CDKL5: variants seen among roughly 807,000 people sequenced by gnomAD.
CDKL5 encodes the protein cyclin-dependent kinase-like 5.
A neutral mutation model predicts 61.7 loss-of-function variants in CDKL5; 8 were observed. The observed-to-expected ratio is 0.13, with a 90% CI of 0.08 to 0.23. The LOEUF (loss-of-function observed/expected upper bound fraction) is 0.23, where lower values mean the gene tolerates loss of function less well. Ranked by LOEUF, CDKL5 falls within the 10% of genes least tolerant of loss-of-function variation. The pLI, the probability that CDKL5 is intolerant of heterozygous loss-of-function variation, is 1.00. For synonymous variants in CDKL5, 275 were observed against 272.3 expected (o/e 1.01, Z -0.10); for missense variants, 440 against 734.5 (o/e 0.60, Z 4.63).
intron 1 of CDKL5, among the ~76,000 whole-genome samples, chrX:18,453,077 G>A (rs1452201103): frequency 9.0e-6 from 1 of 110,603 alleles, no homozygotes; most frequent in Admixed American, 9.7e-5. Flanking sequence ...TGATCCATCC[G>A]CTTCAGCCTC....
intron 1 of CDKL5, among the ~76,000 whole-genome samples, chrX:18,473,712 CTTT>C (rs749380907): frequency 3.1e-5 from 3 of 97,511 alleles, no homozygotes; most frequent in Non-Finnish European, 4.2e-5. Context: ...ACTTCTCTCT[CTTT>C]TTTTTTTTTT....
chrX:18,515,291 C>T (rs527685584), intron 3 of CDKL5, among the ~76,000 whole-genome samples: 19 of 111,863 alleles, frequency 1.7e-4, no homozygotes, highest in South Asian at 7.5e-4. Context: ...GGGTGATGCT[C>T]ATTGAGCCCA....
intron 6 of CDKL5, among the ~76,000 whole-genome samples, chrX:18,581,446 A>G (rs16980820): frequency 0.011 from 1,178 of 112,134 alleles, 12 homozygotes; most frequent in African/African-American, 0.036. Context: ...AACAGAAAGC[A>G]TGTCTTGTAT....
intron 1 of CDKL5, among the ~76,000 whole-genome samples, chrX:18,472,759 T>TA: frequency 9.0e-6 from 1 of 110,554 alleles, no homozygotes. Context: ...AAGTATAACA[T>TA]ACATGCTAGA....
chrX:18,644,315 T>C (rs141607643), downstream of CDKL5: 822 of 650,307 alleles, frequency 1.3e-3, 11 homozygotes, highest in East Asian at 0.026. Context: ...GCGCAGATGA[T>C]CCACTGTGCT....
rs985943979 is a variant in CDKL5, at chrX:18,617,042, T to C, written c.2277-2825T>C. Among the ~76,000 whole-genome samples, 3 of 112,037 alleles carry C rather than the reference T, an allele frequency of 2.7e-5. No homozygotes were observed. The Admixed American group carries it at 2.8e-4, about 11-fold the overall frequency. On this transcript the variant is annotated intron_variant, in intron 15 of 17. Coordinates refer to ENST00000623535, the MANE Select transcript of CDKL5 (RefSeq NM_001323289.2). ...TGAGATCAGATTCGTTCTTTTATTT[T>C]TCTCTGTTTCTTCAACACCTAACAC...
intron 15 of CDKL5, among the ~76,000 whole-genome samples, chrX:18,619,009 CACTT>C (rs1926805284): frequency 1.8e-5 from 2 of 111,054 alleles, no homozygotes; most frequent in South Asian, 3.8e-4. Flanking sequence ...AAGTTTTCAA[CACTT>C]ACCCATTTCA....
At chrX:18,529,514 C>G (rs1923567242) in intron 3 of CDKL5, among the ~76,000 whole-genome samples, 1 of 110,992 alleles carries the variant, frequency 9.0e-6, no homozygotes. Context: ...TTTGCTTTCT[C>G]TCTGAATAAC....
intron 1 of CDKL5, among the ~76,000 whole-genome samples, chrX:18,446,242 G>A (rs1237210722): frequency 9.3e-6 from 1 of 108,089 alleles, no homozygotes; most frequent in Non-Finnish European, 1.9e-5. Flanking sequence ...CCTGTAATGG[G>A]AGGCTGAGGC....
At chrX:18,477,342 C>A (rs919953012) in intron 1 of CDKL5, among the ~76,000 whole-genome samples, 3 of 112,467 alleles carry the variant, frequency 2.7e-5, no homozygotes, top group African/African-American at 9.7e-5. Context: ...GCTGGGATTA[C>A]AGACATGAGC....
intron 1 of CDKL5, among the ~76,000 whole-genome samples, chrX:18,440,901 C>A (rs1218140853): frequency 9.0e-6 from 1 of 111,503 alleles, no homozygotes; most frequent in African/African-American, 3.3e-5. Flanking sequence ...AAGAAAGCAA[C>A]CTTATTTGGA....
At chrX:18,510,940 A>G (rs1303871032) in intron 3 of CDKL5, 86 bp downstream of exon 3, 2 of 683,884 alleles carry the variant, frequency 2.9e-6, no homozygotes, top group Non-Finnish European at 4.6e-6. Flanking sequence ...GTGGGCATGT[A>G]CAGGTTGAGC....
At chrX:18,453,483 A>C (rs1262514684) in intron 1 of CDKL5, among the ~76,000 whole-genome samples, 1 of 111,624 alleles carries the variant, frequency 9.0e-6, no homozygotes, top group Admixed American at 9.6e-5. Context: ...AGTGTTCACA[A>C]CTGGATTGTA....
intron 10 of CDKL5, among the ~76,000 whole-genome samples, chrX:18,595,783 T>A (rs762582106): frequency 8.9e-6 from 1 of 112,141 alleles, no homozygotes; most frequent in Non-Finnish European, 1.9e-5. Flanking sequence ...ACATGGTATT[T>A]GAAGCCTCCC....
intron 1 of CDKL5, among the ~76,000 whole-genome samples, chrX:18,476,688 A>G (rs1203250586): frequency 2.7e-5 from 3 of 112,337 alleles, no homozygotes; most frequent in African/African-American, 9.7e-5. Flanking sequence ...CAGCTCTCTT[A>G]TGCATTTATA....
chrX:18,503,494 A>AT (rs1240478364), intron 1 of CDKL5, among the ~76,000 whole-genome samples: 1 of 111,881 alleles, frequency 8.9e-6, no homozygotes, highest in Non-Finnish European at 1.9e-5. Context: ...CATAAATGTG[A>AT]TTTTTAAAAA....
At chrX:18,581,751 T>C (rs1296347552) in intron 6 of CDKL5, 140 bp from the exon 7 acceptor site, 1 of 409,432 alleles carries the variant, frequency 2.4e-6, no homozygotes, top group Non-Finnish European at 4.3e-6. Flanking sequence ...TAAAATGTGT[T>C]ACTTTATTTT....
In CDKL5 at chrX:18,481,701, G is replaced by T. The variant is rs1332801997; in HGVS notation, c.-162-25234G>T. Reference sequence around the variant, plus strand: ...ATCACAGAATGGTATTAGAAAGCAGGATCTAGGTGCTAGGTGGGTGCTAAT... The same window carrying T: ...ATCACAGAATGGTATTAGAAAGCAGTATCTAGGTGCTAGGTGGGTGCTAAT... On this transcript the variant is annotated intron_variant, in intron 1 of 17. Coordinates refer to ENST00000623535, the MANE Select transcript of CDKL5 (RefSeq NM_001323289.2). Among the ~76,000 whole-genome samples the T allele has an allele frequency of 3.6e-5, 4 of 109,635 alleles. No homozygotes were observed. The East Asian group carries it at 1.1e-3, about 31-fold the overall frequency.
intron 14 of CDKL5, among the ~76,000 whole-genome samples, 176 bp downstream of exon 14, chrX:18,609,746 C>G (rs1926486504): frequency 8.9e-6 from 1 of 111,964 alleles, no homozygotes; most frequent in South Asian, 3.8e-4. Flanking sequence ...AATTGGCCTC[C>G]TTAGGTAGCC....
Sources: allele counts gnomAD v4.1 joint callset (sites outside exome capture counted in the v4.1 genomes callset), GRCh38; gene constraint gnomAD v4.1.1; transcripts MANE v1.5; gene names NCBI Gene and HGNC (gene_info 2026-07-23, HGNC 2026-07-21).